The following GALNT18 variants were observed in gnomAD, a reference collection of about 807,000 sequenced individuals.
GALNT18 encodes the protein GalNAc-transferase 18.
In GALNT18, 44 loss-of-function variants were observed where a neutral mutation model predicts 69.5. The observed-to-expected ratio is 0.63, with a 90% CI of 0.50 to 0.81. GALNT18 has a LOEUF of 0.81. Ranked by LOEUF, GALNT18 falls within the 40% of genes least tolerant of loss-of-function variation. The pLI is 0.00. For synonymous variants in GALNT18, 364 were observed against 318.2 expected (o/e 1.14, Z -1.53); for missense variants, 715 against 810.0 (o/e 0.88, Z 1.42).
intron 1 of GALNT18, among the ~76,000 whole-genome samples, chr11:11,468,673 T>C (rs1856206343): frequency 6.6e-6 from 1 of 152,152 alleles, no homozygotes; most frequent in South Asian, 2.1e-4. Context: ...TGAGCCCCAC[T>C]TTCCTGAGTC....
intron 1 of GALNT18, among the ~76,000 whole-genome samples, chr11:11,451,495 C>T (rs766180101): frequency 6.6e-5 from 10 of 152,114 alleles, no homozygotes; most frequent in Non-Finnish European, 1.3e-4. Flanking sequence ...AGTATGGGCA[C>T]GAAGGATGAC....
rs1848815625 is a variant in GALNT18, at chr11:11,271,055, G to C, written c.*89C>G. 8 of 1,279,472 alleles carry C rather than the reference G, an allele frequency of 6.3e-6. No individual in the cohort carries two copies. The highest frequency in any genetic ancestry group is 1.5e-5 in the African/African-American group (1 of 68,500). 79.3% of individuals were successfully genotyped at this position (1,279,472 alleles called of 1,614,324 possible). A position where few individuals can be genotyped will look rare whatever the true frequency, so the allele number is the denominator to read the frequency against. ...GGGGGCCCACTAACCTGGTTCCCCA[G>C]ACTCCAAACAACCCCACGTGGACAG... On this transcript the variant is annotated 3_prime_UTR_variant, in exon 11 of 11. Transcript: ENST00000227756.
rs977671989 is a variant in GALNT18, at chr11:11,309,423, C to G, written c.1513-16230G>C. Among the ~76,000 whole-genome samples the G allele has an allele frequency of 6.6e-6, 1 of 151,978 alleles. No individual in the cohort carries two copies. Among genetic ancestry groups the G allele is most frequent in the Non-Finnish European group, 1.5e-5 (1 of 67,992 alleles). Reference sequence around the variant, plus strand: ...TTTGGAATAATAATTTTCTTTCTTTCCTTCTATACTTACCACTCTTTCCTG... The same window carrying G: ...TTTGGAATAATAATTTTCTTTCTTTGCTTCTATACTTACCACTCTTTCCTG... On this transcript the variant is annotated intron_variant, in intron 9 of 10. Transcript: ENST00000227756. The surrounding 1 kb of genome is among the most constrained non-coding windows in gnomAD (Gnocchi z 4.6).
chr11:11,342,018 G>A (rs1040716240), intron 6 of GALNT18, among the ~76,000 whole-genome samples: 9 of 151,816 alleles, frequency 5.9e-5, no homozygotes, highest in Non-Finnish European at 1.3e-4. Flanking sequence ...ACATTGTGGA[G>A]TCTTTGCTCG....
At position 11,598,413 on chromosome 11, in the gene GALNT18, C is replaced by T. The variant is rs970232176; in HGVS notation, c.235+22946G>A. Reference sequence around the variant, plus strand: ...AGAATCTGTTCCTTGCTTCTTCCAGCTCCTGGTAGCTGCCAGCATTCCTTG... The same window carrying T: ...AGAATCTGTTCCTTGCTTCTTCCAGTTCCTGGTAGCTGCCAGCATTCCTTG... On this transcript the variant is annotated intron_variant, in intron 1 of 10. Coordinates refer to ENST00000227756, the MANE Select transcript of GALNT18 (RefSeq NM_198516.3). The surrounding 1 kb of genome is among the most constrained non-coding windows in gnomAD (Gnocchi z 4.8). Among the ~76,000 whole-genome samples, 14 of 152,168 alleles carry T rather than the reference C, an allele frequency of 9.2e-5. No homozygotes were observed. The highest frequency in any genetic ancestry group is 2.1e-4 in the South Asian group (1 of 4,830).
At chr11:11,608,740 T>C (rs752566314) in intron 1 of GALNT18, among the ~76,000 whole-genome samples, 1 of 152,178 alleles carries the variant, frequency 6.6e-6, no homozygotes, top group Admixed American at 6.6e-5. Flanking sequence ...AAACTGTAAA[T>C]AGCAGCACTG....
intron 1 of GALNT18, among the ~76,000 whole-genome samples, chr11:11,504,170 G>A (rs897662135): frequency 6.6e-6 from 1 of 152,156 alleles, no homozygotes. Flanking sequence ...CACATAGTAA[G>A]TGCTCAGTAA....
intron 5 of GALNT18, among the ~76,000 whole-genome samples, chr11:11,375,629 G>A (rs1853729767): frequency 6.6e-6 from 1 of 152,186 alleles, no homozygotes; most frequent in South Asian, 2.1e-4. Flanking sequence ...AGAGCCTTTG[G>A]CAGGGCCATT....
chr11:11,468,439 A>C (rs988307989), intron 1 of GALNT18, among the ~76,000 whole-genome samples: 1 of 152,186 alleles, frequency 6.6e-6, no homozygotes, highest in South Asian at 2.1e-4. Context: ...TCTAAGAAAC[A>C]GCCAAGTCTT....
At chr11:11,537,762 A>G (rs1242696931) in intron 1 of GALNT18, among the ~76,000 whole-genome samples, 6 of 152,218 alleles carry the variant, frequency 3.9e-5, no homozygotes, top group Admixed American at 2.0e-4. Flanking sequence ...TCAGGAAGGA[A>G]TAAAAGGGAG....
At chr11:11,593,439 T>C (rs1859410454) in intron 1 of GALNT18, among the ~76,000 whole-genome samples, 1 of 152,180 alleles carries the variant, frequency 6.6e-6, no homozygotes, top group Non-Finnish European at 1.5e-5. Flanking sequence ...TTCTGAAAGG[T>C]ACTATGAAGC....
chr11:11,586,610 T>TA lies in GALNT18; in HGVS notation c.235+34748dup, dbSNP rs1590120325. On this transcript the variant is annotated intron_variant, in intron 1 of 10. Coordinates refer to ENST00000227756, the MANE Select transcript of GALNT18 (RefSeq NM_198516.3). The surrounding 1 kb of genome is among the most constrained non-coding windows in gnomAD (Gnocchi z 4.1). The stretch of plus-strand genomic sequence containing the variant: ...TGTAGTCAGGACATAGTTGATCTTT[T>TA]AAAAAAAATAAAACGTTTCAGCATT... Among the ~76,000 whole-genome samples, 2 of 151,944 alleles carry TA rather than the reference T, an allele frequency of 1.3e-5. No homozygotes were observed. Among genetic ancestry groups the TA allele is most frequent in the Middle Eastern group, 3.2e-3 (1 of 316 alleles).
intron 3 of GALNT18, among the ~76,000 whole-genome samples, chr11:11,392,074 T>A (rs969081351): frequency 2.0e-5 from 3 of 152,232 alleles, no homozygotes; most frequent in Non-Finnish European, 4.4e-5. Context: ...CTGTTTTTCT[T>A]TGGTTTCCTC....
chr11:11,483,738 G>C (rs1415590245), intron 1 of GALNT18, among the ~76,000 whole-genome samples: 1 of 152,200 alleles, frequency 6.6e-6, no homozygotes. Context: ...GCAGCCCTTG[G>C]TGACGCTAAT....
chr11:11,494,546 C>A lies in GALNT18; in HGVS notation c.236-45610G>T, dbSNP rs911246260. Among the ~76,000 whole-genome samples, 1 of 152,234 alleles carries A rather than the reference C, an allele frequency of 6.6e-6. No individual in the cohort carries two copies. The highest frequency in any genetic ancestry group is 1.5e-5 in the Non-Finnish European group (1 of 68,042). ...AGACATGACTCAGCCATATGAAAGA[C>A]CCCTTGTGGGTGAGCTGAAGGCAGA... On this transcript the variant is annotated intron_variant, in intron 1 of 10. Coordinates refer to ENST00000227756, the MANE Select transcript of GALNT18 (RefSeq NM_198516.3). This position sits in a 1 kb window ranked among gnomAD's most constrained non-coding sequence, Gnocchi z 5.7.
At chr11:11,355,157 G>A (rs1850503152) in intron 6 of GALNT18, among the ~76,000 whole-genome samples, 1 of 152,186 alleles carries the variant, frequency 6.6e-6, no homozygotes, top group African/African-American at 2.4e-5. Flanking sequence ...ATCAGAGCAT[G>A]TCCCTCCTCT....
At position 11,582,043 on chromosome 11, in the gene GALNT18, ATGTATAC is replaced by A. The variant is rs1859100764; in HGVS notation, c.235+39309_235+39315del. Among the ~76,000 whole-genome samples the A allele has an allele frequency of 6.6e-6, 1 of 152,108 alleles. No homozygotes were observed. The highest frequency in any genetic ancestry group is 2.0e-4 in the East Asian group (1 of 5,114). On this transcript the variant is annotated intron_variant, in intron 1 of 10. Transcript: ENST00000227756. The surrounding 1 kb of genome is among the most constrained non-coding windows in gnomAD (Gnocchi z 5.0). ...TATTTCCTAGTATACATGAGGTTCC[ATGTATAC>A]TGTGTATTAGGAAAAACCAAGCAGA... is the stretch of plus-strand genomic sequence containing the variant.
At chr11:11,545,456 A>G (rs373813658) in intron 1 of GALNT18, among the ~76,000 whole-genome samples, 122 of 152,306 alleles carry the variant, frequency 8.0e-4, no homozygotes, top group Middle Eastern at 3.4e-3. Flanking sequence ...CTGTGTGTCC[A>G]TGTGCAGCCA....
intron 2 of GALNT18, among the ~76,000 whole-genome samples, chr11:11,440,909 G>A (rs1300909666): frequency 6.6e-6 from 1 of 152,212 alleles, no homozygotes; most frequent in South Asian, 2.1e-4. Flanking sequence ...GAGAGGCCAA[G>A]CAACTTGTTG....
Sources: gnomAD v4.1 joint callset for allele counts (sites outside exome capture counted in the v4.1 genomes callset) on GRCh38, gnomAD v4.1.1 for gene constraint, Gnocchi (gnomAD v3.1) non-coding constraint, MANE v1.5 for transcripts, NCBI Gene and HGNC (gene_info 2026-07-23, HGNC 2026-07-21) for gene names.